The following ENPP2 variants were observed in gnomAD, a reference collection of about 807,000 sequenced individuals.
ENPP2 encodes autotaxin.
ENPP2 carries 51 observed loss-of-function variants against 120.2 expected under a neutral mutation model. The observed-to-expected ratio is 0.42, with a 90% confidence interval of 0.34 to 0.54. ENPP2 has a LOEUF of 0.54. Among genes scored for constraint, ENPP2 ranks in the 20% least tolerant of loss-of-function variants. The pLI, the probability that ENPP2 is intolerant of heterozygous loss-of-function variation, is 0.04. For missense variants in ENPP2, 920 were observed against 1,066.5 expected, an observed-to-expected ratio of 0.86 and a Z score of 1.91; for synonymous variants, 365 against 366.4, an observed-to-expected ratio of 1.00 and a Z score of 0.04.
intron 13 of ENPP2, among the ~76,000 whole-genome samples, chr8:119,589,663 A>G (rs1813365132): frequency 6.6e-6 from 1 of 152,126 alleles, no homozygotes; most frequent in Non-Finnish European, 1.5e-5. Context: ...TCTGGAGCTG[A>G]CCCTGGAACA....
At chr8:119,624,840 C>T (rs1816161967) in intron 3 of ENPP2, among the ~76,000 whole-genome samples, 1 of 152,168 alleles carries the variant, frequency 6.6e-6, no homozygotes, top group African/African-American at 2.4e-5. Context: ...GGTTGTTTCT[C>T]GGCAGTGCTC....
intron 19 of ENPP2, 121 bp from the exon 20 acceptor site, chr8:119,570,962 C>T (rs577956866): frequency 7.7e-6 from 4 of 519,314 alleles, no homozygotes; most frequent in Non-Finnish European, 9.6e-6. Flanking sequence ...TAATATAGCA[C>T]CTTCTCCTTA....
chr8:119,665,340 C>T (rs1225727430), intron 1 of ENPP2, among the ~76,000 whole-genome samples: 1 of 152,184 alleles, frequency 6.6e-6, no homozygotes. Context: ...ACAATGGACA[C>T]CTTCCTGCTT....
intron 1 of ENPP2, among the ~76,000 whole-genome samples, chr8:119,655,123 A>C (rs1817731351): frequency 6.6e-6 from 1 of 152,224 alleles, no homozygotes; most frequent in East Asian, 1.9e-4. Flanking sequence ...GTAAGCTAAG[A>C]AAAGAAGAAA....
Position 119,593,839 on chromosome 8 carries a change from T to C in ENPP2, c.994A>G (p.Ile332Val). 1 of 1,610,504 alleles carries C rather than the reference T, an allele frequency of 6.2e-7. No homozygotes were observed. Among genetic ancestry groups the C allele is most frequent in the South Asian group, 1.1e-5 (1 of 90,990 alleles). ...ATTAATTGCCCCACAATTTTGTCGA[T>C]TTCCCTCAGAGGATTTGTCATCTAG... ...GPEMTNPLRE[I>V]DKIVGQLMDG... Residue 332 changes from isoleucine to valine, a missense_variant, in exon 12 of 25, where the codon ATC becomes GTC. Coordinates refer to ENST00000075322, the MANE Select transcript of ENPP2 (RefSeq NM_001040092.3).
At chr8:119,669,483 T>A (rs1271546097) in intron 1 of ENPP2, among the ~76,000 whole-genome samples, 1 of 152,238 alleles carries the variant, frequency 6.6e-6, no homozygotes, top group Non-Finnish European at 1.5e-5. Context: ...GCCCAGGTCC[T>A]GTGACTCCAA....
At chr8:119,580,362 ATGTT>A (rs1311603037) in intron 18 of ENPP2, 195 bp from the exon 19 acceptor site, 18 of 602,822 alleles carry the variant, frequency 3.0e-5, no homozygotes, top group African/African-American at 3.0e-4. Flanking sequence ...TAGCAGTTCT[ATGTT>A]TGTAAGCACC....
intron 9 of ENPP2, among the ~76,000 whole-genome samples, chr8:119,605,309 C>T (rs1482436221): frequency 1.3e-5 from 2 of 151,930 alleles, no homozygotes; most frequent in African/African-American, 2.4e-5. Context: ...TGTGCTCAAG[C>T]GATCCACCTG....
intron 9 of ENPP2, among the ~76,000 whole-genome samples, chr8:119,606,183 AAAAG>A (rs1205104564): frequency 1.3e-5 from 2 of 152,198 alleles, no homozygotes; most frequent in African/African-American, 2.4e-5. Context: ...TACTTCAAAA[AAAAG>A]GGGAAAAAAT....
intron 2 of ENPP2, among the ~76,000 whole-genome samples, chr8:119,629,254 T>C (rs907889779): frequency 6.6e-6 from 1 of 152,060 alleles, no homozygotes; most frequent in Admixed American, 6.6e-5. Flanking sequence ...TATATGTGTG[T>C]GTGGGTATGT....
At chr8:119,645,337 A>C (rs551555651) in intron 1 of ENPP2, among the ~76,000 whole-genome samples, 2 of 152,276 alleles carry the variant, frequency 1.3e-5, no homozygotes, top group Non-Finnish European at 2.9e-5. Flanking sequence ...GGAAAACCTT[A>C]AACTCAACTC....
intron 22 of ENPP2, among the ~76,000 whole-genome samples, chr8:119,565,246 G>A (rs910735377): frequency 6.6e-6 from 1 of 152,142 alleles, no homozygotes; most frequent in Non-Finnish European, 1.5e-5. Flanking sequence ...GGATAAGTAG[G>A]TGGTGTTTCC....
intron 21 of ENPP2, 115 bp from the exon 22 acceptor site, chr8:119,568,367 T>C (rs1814657210): frequency 5.9e-6 from 4 of 674,962 alleles, no homozygotes; most frequent in South Asian, 1.8e-5. Flanking sequence ...ATGAAGTAAA[T>C]GAATCTACTC....
intron 8 of ENPP2, among the ~76,000 whole-genome samples, chr8:119,610,145 A>G (rs1342568357): frequency 6.6e-6 from 1 of 152,208 alleles, no homozygotes; most frequent in Non-Finnish European, 1.5e-5. Flanking sequence ...ACAATTTTAC[A>G]GTGACAATCA....
chr8:119,631,849 T>C (rs1251921526), intron 2 of ENPP2, among the ~76,000 whole-genome samples: 2 of 152,080 alleles, frequency 1.3e-5, no homozygotes, highest in African/African-American at 4.8e-5. Flanking sequence ...ATTCATGTAG[T>C]TGATAAAAAT....
intron 8 of ENPP2, among the ~76,000 whole-genome samples, chr8:119,615,629 C>T (rs1815404819): frequency 6.6e-6 from 1 of 152,050 alleles, no homozygotes. Context: ...TTGTATTTAA[C>T]TTCATGATTT....
In ENPP2 at chr8:119,570,854, A is replaced by T. The variant is rs1587348937; in HGVS notation, c.1781-13T>A. ...AGGAGGTGTCTCTCTAAAAAAGAAA[A>T]AAAATAAACTGTGTTAGGTGCATAT... On this transcript the variant is annotated splice_polypyrimidine_tract_variant and intron_variant, in intron 19 of 24. Transcript: ENST00000075322. 2 of 1,532,826 alleles carry T rather than the reference A, an allele frequency of 1.3e-6. No homozygotes were observed. The highest frequency in any genetic ancestry group is 4.7e-5 in the East Asian group (2 of 42,124). 95.0% of individuals were successfully genotyped at this position (1,532,826 alleles called of 1,614,324 possible).
intron 1 of ENPP2, among the ~76,000 whole-genome samples, chr8:119,661,334 A>T (rs1275724492): frequency 6.6e-6 from 1 of 152,198 alleles, no homozygotes; most frequent in South Asian, 2.1e-4. Flanking sequence ...AAAGTAAAAT[A>T]AAAAATAATG....
chr8:119,668,636 C>T (rs372852493), intron 1 of ENPP2, among the ~76,000 whole-genome samples: 1 of 151,942 alleles, frequency 6.6e-6, no homozygotes, highest in South Asian at 2.1e-4. Flanking sequence ...ACCATGTTGG[C>T]CAGGATGGTC....
Sources: gnomAD v4.1 joint callset for allele counts (sites outside exome capture counted in the v4.1 genomes callset) on GRCh38, gnomAD v4.1.1 for gene constraint, MANE v1.5 for transcripts, NCBI Gene and HGNC (gene_info 2026-07-23, HGNC 2026-07-21) for gene names.